The following GRM3 variants were observed in gnomAD, a reference collection of about 807,000 sequenced individuals.
The protein encoded by GRM3 is metabotropic glutamate receptor 3.
A neutral mutation model predicts 70.5 loss-of-function variants in GRM3; 26 were observed. That is an observed-to-expected ratio of 0.37 (90% CI 0.27 to 0.51). The LOEUF is 0.51. Among genes scored for constraint, GRM3 ranks in the 20% least tolerant of loss-of-function variants. GRM3 has a pLI of 0.93. For missense variants in GRM3, 859 were observed against 1,123.8 expected (o/e 0.76, Z 3.37); for synonymous variants, 443 against 434.9 (o/e 1.02, Z -0.23).
intron 3 of GRM3, among the ~76,000 whole-genome samples, chr7:86,810,831 A>G (rs984177686): frequency 5.3e-5 from 8 of 151,964 alleles, no homozygotes; most frequent in Non-Finnish European, 8.8e-5. Flanking sequence ...TGTGTTTAAA[A>G]CACTCATTTG....
At chr7:86,682,467 G>C (rs1475756605) in intron 1 of GRM3, among the ~76,000 whole-genome samples, 2 of 152,056 alleles carry the variant, frequency 1.3e-5, no homozygotes, top group Non-Finnish European at 2.9e-5. Context: ...TCATGTTAGA[G>C]CATACTTAAG....
At chr7:86,656,223 G>T (rs1793739169) in intron 1 of GRM3, among the ~76,000 whole-genome samples, 1 of 146,554 alleles carries the variant, frequency 6.8e-6, no homozygotes, top group Admixed American at 6.8e-5. Context: ...CTAGCCTGGA[G>T]TAAGGCCCAA....
At chr7:86,853,068 C>T (rs577336697) in intron 5 of GRM3, among the ~76,000 whole-genome samples, 22 of 152,208 alleles carry the variant, frequency 1.4e-4, no homozygotes, top group Middle Eastern at 3.4e-3. Flanking sequence ...ACGAATAGGA[C>T]GGAATCCCTG....
At chr7:86,841,434 G>A (rs1798557727) in intron 4 of GRM3, among the ~76,000 whole-genome samples, 1 of 152,112 alleles carries the variant, frequency 6.6e-6, no homozygotes, top group African/African-American at 2.4e-5. Context: ...CAGGGGAGTT[G>A]GAGTGTTAGA....
chr7:86,671,071 C>T (rs1408800702), intron 1 of GRM3, among the ~76,000 whole-genome samples: 1 of 152,164 alleles, frequency 6.6e-6, no homozygotes, highest in Non-Finnish European at 1.5e-5. Flanking sequence ...CATTCTGTCT[C>T]CCAGGCTGGA....
In GRM3 at chr7:86,786,705, G is replaced by T; in HGVS notation, c.913G>T (p.Ala305Ser). The T allele has an allele frequency of 6.2e-7, 1 of 1,612,578 alleles. No homozygotes were observed. Among genetic ancestry groups the T allele is most frequent in the African/African-American group, 1.3e-5 (1 of 75,076 alleles). ...FTWVASDGWG[A>S]QESIIKGSEH... ...CTGGGTGGCCAGCGACGGCTGGGGC[G>T]CGCAGGAGAGCATCATCAAGGGCAG... Residue 305 changes from alanine to serine, a missense_variant, in exon 3 of 6, where the codon GCG becomes TCG. Transcript: ENST00000361669. This position sits in a 1 kb window ranked among gnomAD's most constrained non-coding sequence, Gnocchi z 6.0.
intron 2 of GRM3, among the ~76,000 whole-genome samples, chr7:86,778,881 G>A (rs1245178925): frequency 6.6e-6 from 1 of 152,068 alleles, no homozygotes; most frequent in Non-Finnish European, 1.5e-5. Context: ...ATTGAAAAAT[G>A]GTGTCATTGC....
intron 1 of GRM3, among the ~76,000 whole-genome samples, chr7:86,703,054 C>T (rs1002143251): frequency 1.3e-5 from 2 of 151,836 alleles, no homozygotes; most frequent in African/African-American, 4.8e-5. Context: ...GTAATGATTA[C>T]CTGTGGTTTT....
intron 3 of GRM3, among the ~76,000 whole-genome samples, chr7:86,835,975 C>T (rs575801585): frequency 6.4e-4 from 97 of 151,980 alleles, no homozygotes; most frequent in African/African-American, 2.1e-3. Flanking sequence ...ATGTGTGAAC[C>T]AGAAATTCAC....
chr7:86,794,857 A>G (rs1308715950), intron 3 of GRM3, among the ~76,000 whole-genome samples: 1 of 151,388 alleles, frequency 6.6e-6, no homozygotes, highest in Non-Finnish European at 1.5e-5. Context: ...CAGAATATTC[A>G]AAGATTTCAT....
intron 3 of GRM3, among the ~76,000 whole-genome samples, chr7:86,826,675 G>A (rs927785924): frequency 6.6e-6 from 1 of 152,118 alleles, no homozygotes; most frequent in Non-Finnish European, 1.5e-5. Flanking sequence ...TTCATAAAGG[G>A]TTGAGCTTTT....
At chr7:86,808,602 G>C (rs1797846214) in intron 3 of GRM3, among the ~76,000 whole-genome samples, 1 of 151,970 alleles carries the variant, frequency 6.6e-6, no homozygotes, top group Non-Finnish European at 1.5e-5. Context: ...AGGGGTGTCT[G>C]TGTGTGTTTG....
At chr7:86,676,119 A>G (rs1794300217) in intron 1 of GRM3, among the ~76,000 whole-genome samples, 1 of 151,892 alleles carries the variant, frequency 6.6e-6, no homozygotes, top group Non-Finnish European at 1.5e-5. Context: ...TTTCCCCTCA[A>G]GCTAAAGCTC....
At chr7:86,754,358 A>G (rs1381692699) in intron 1 of GRM3, among the ~76,000 whole-genome samples, 1 of 152,178 alleles carries the variant, frequency 6.6e-6, no homozygotes, top group Non-Finnish European at 1.5e-5. Flanking sequence ...TGGGTAACAA[A>G]TTAACTTGCA....
chr7:86,781,393 C>G (rs1459677408), intron 2 of GRM3, among the ~76,000 whole-genome samples: 1 of 152,140 alleles, frequency 6.6e-6, no homozygotes, highest in Non-Finnish European at 1.5e-5. Context: ...TTTAGCCACC[C>G]TTAGATTTCT....
chr7:86,711,923 C>A (rs753024462), intron 1 of GRM3, among the ~76,000 whole-genome samples: 10 of 152,044 alleles, frequency 6.6e-5, no homozygotes, highest in Non-Finnish European at 1.2e-4. Flanking sequence ...TCTAGACACT[C>A]AATTCCAAAC....
In GRM3 at chr7:86,793,039, T is replaced by TG. The variant is rs1491109652; in HGVS notation, c.1324+5924dup. 9.1e-4 allele frequency among the ~76,000 whole-genome samples: 109 copies of TG among 120,048 alleles called. 1 individual carries two copies. The highest frequency in any genetic ancestry group is 8.2e-3 in the Admixed American group (99 of 12,020). 78.8% of individuals were successfully genotyped at this position (120,048 alleles called of 152,430 possible). ...GCCTTTTTTTTTTTTTTTTTTTTTT[T>TG]GCTACCAGTGAAGAGACAGACTACT... On this transcript the variant is annotated intron_variant, in intron 3 of 5. Coordinates refer to ENST00000361669, the MANE Select transcript of GRM3 (RefSeq NM_000840.3).
intron 1 of GRM3, among the ~76,000 whole-genome samples, chr7:86,704,642 G>A (rs1312213321): frequency 6.6e-6 from 1 of 151,798 alleles, no homozygotes; most frequent in African/African-American, 2.4e-5. Flanking sequence ...ACACCTAGAG[G>A]ATTCTGATTG....
chr7:86,762,439 G>A (rs1584222354), intron 1 of GRM3, among the ~76,000 whole-genome samples: 2 of 152,058 alleles, frequency 1.3e-5, no homozygotes, highest in South Asian at 4.1e-4. Context: ...AGAAATCTGT[G>A]TTTTAAAGGG....
Sources: allele counts gnomAD v4.1 joint callset (sites outside exome capture counted in the v4.1 genomes callset), GRCh38; gene constraint gnomAD v4.1.1; non-coding constraint Gnocchi (gnomAD v3.1); transcripts MANE v1.5; gene names NCBI Gene and HGNC (gene_info 2026-07-23, HGNC 2026-07-21).